The following DPP6 variants were observed in gnomAD, a reference collection of about 807,000 sequenced individuals.
DPP6 encodes the protein dipeptidyl peptidase like 6, also known as A-type potassium channel modulatory protein DPP6.
Under a neutral mutation model 122.6 loss-of-function variants are expected in DPP6, and 69 were observed. That is an observed-to-expected ratio of 0.56 (90% CI 0.46 to 0.69). The LOEUF is 0.69. Ranked by LOEUF, DPP6 falls within the 30% of genes least tolerant of loss-of-function variation. The pLI, the probability that DPP6 is intolerant of heterozygous loss-of-function variation, is 0.00. For missense variants in DPP6, 928 were observed against 1,116.9 expected (o/e 0.83, Z 2.41); for synonymous variants, 418 against 433.1 (o/e 0.97, Z 0.43).
At chr7:153,964,393 C>A (rs554324046) in intron 1 of DPP6, among the ~76,000 whole-genome samples, 1 of 152,216 alleles carries the variant, frequency 6.6e-6, no homozygotes, top group Non-Finnish European at 1.5e-5. Flanking sequence ...CTCTTGTTGG[C>A]GTTTCTGAAA....
intron 2 of DPP6, among the ~76,000 whole-genome samples, chr7:154,448,462 A>G (rs1439909975): frequency 1.3e-5 from 2 of 152,212 alleles, no homozygotes; most frequent in South Asian, 2.1e-4. Flanking sequence ...TCTTATATGA[A>G]TTGATTGAAA....
intron 16 of DPP6, among the ~76,000 whole-genome samples, chr7:154,823,865 C>T (rs7788539): frequency 0.79 from 119,882 of 152,146 alleles, 47,384 homozygotes; most frequent in Non-Finnish European, 0.82. Flanking sequence ...TCCAAAGATC[C>T]TTCTCTCTGC....
chr7:154,263,533 T>C (rs929566224), intron 1 of DPP6, among the ~76,000 whole-genome samples: 4 of 152,190 alleles, frequency 2.6e-5, no homozygotes, highest in South Asian at 4.1e-4. Context: ...CCCACAATAT[T>C]TTCACTAACA....
Position 154,892,599 on chromosome 7 carries a change from G to C in DPP6, c.*119G>C. The C allele has an allele frequency of 6.5e-7, 1 of 1,543,378 alleles. No homozygotes were observed. Among genetic ancestry groups the C allele is most frequent in the Admixed American group, 1.8e-5 (1 of 56,036 alleles). On this transcript the variant is annotated 3_prime_UTR_variant, in exon 26 of 26. Coordinates refer to ENST00000377770, the MANE Select transcript of DPP6 (RefSeq NM_130797.4). Reference sequence around the variant, plus strand: ...GCGGGGCGGGGCCGGGTGTTCCATAGCATGTGTGTCTCGGATGCGGAAGGC... The same window carrying C: ...GCGGGGCGGGGCCGGGTGTTCCATACCATGTGTGTCTCGGATGCGGAAGGC...
intron 1 of DPP6, among the ~76,000 whole-genome samples, chr7:154,060,361 A>G (rs981767197): frequency 9.3e-6 from 1 of 108,018 alleles, no homozygotes; most frequent in Non-Finnish European, 1.9e-5. Flanking sequence ...GCAGGGACTG[A>G]GAGCCAGCCC....
intron 1 of DPP6, among the ~76,000 whole-genome samples, chr7:154,263,043 A>G (rs954463251): frequency 6.6e-6 from 1 of 152,246 alleles, no homozygotes; most frequent in African/African-American, 2.4e-5. Flanking sequence ...TAATACTTCA[A>G]TAAAATCTGT....
rs34454400 is a variant in DPP6, at chr7:154,241,185, A to ATGCGCGTGTG, written c.243+188124_243+188125insCGCGTGTGTG. 2.2e-4 allele frequency among the ~76,000 whole-genome samples: 30 copies of ATGCGCGTGTG among 136,298 alleles called. No homozygotes were observed. Among genetic ancestry groups the ATGCGCGTGTG allele is most frequent in the African/African-American group, 8.1e-4 (29 of 35,788 alleles). 89.4% of individuals were successfully genotyped at this position (136,298 alleles called of 152,430 possible). ...GCACAGTAGGTAATTCAATATCAAT[A>ATGCGCGTGTG]TGTGTGTGTGTGTGTGTGTGTGTGT... On this transcript the variant is annotated intron_variant, in intron 1 of 25. Coordinates refer to ENST00000377770, the MANE Select transcript of DPP6 (RefSeq NM_130797.4). This position sits in a 1 kb window ranked among gnomAD's most constrained non-coding sequence, Gnocchi z 9.0.
Position 154,627,000 on chromosome 7 carries a change from C to CTTTTTTTTTTTTTTTTT in DPP6, c.628-10806_628-10790dup, listed in dbSNP as rs552919287. ...ATCTGGGGTCCATTAGAAATTTTTT[C>CTTTTTTTTTTTTTTTTT]TTTTTTTTTTTTTTTTTTTTTTTTT... On this transcript the variant is annotated intron_variant, in intron 5 of 25. Transcript: ENST00000377770. Among the ~76,000 whole-genome samples the CTTTTTTTTTTTTTTTTT allele has an allele frequency of 1.3e-3, 70 of 52,122 alleles. 6 individuals are homozygous for CTTTTTTTTTTTTTTTTT. Among genetic ancestry groups the CTTTTTTTTTTTTTTTTT allele is most frequent in the East Asian group, 3.1e-3 (4 of 1,304 alleles). 34.2% of individuals were successfully genotyped at this position (52,122 alleles called of 152,430 possible).
chr7:154,087,923 C>T (rs974227612), intron 1 of DPP6, among the ~76,000 whole-genome samples: 5 of 152,226 alleles, frequency 3.3e-5, no homozygotes, highest in African/African-American at 7.2e-5. Flanking sequence ...AAATGCACTT[C>T]GCACAGTGTT....
At chr7:154,097,128 G>A (rs1314975546) in intron 1 of DPP6, among the ~76,000 whole-genome samples, 1 of 152,234 alleles carries the variant, frequency 6.6e-6, no homozygotes, top group Non-Finnish European at 1.5e-5. Context: ...AGTCTCGTCA[G>A]TTTTTCCTGC....
chr7:154,064,474 A>G (rs775270245), intron 1 of DPP6, among the ~76,000 whole-genome samples: 4 of 152,122 alleles, frequency 2.6e-5, no homozygotes, highest in Non-Finnish European at 4.4e-5. Flanking sequence ...ACATTCCACA[A>G]TGACCTACAG....
At position 154,322,438 on chromosome 7, in the gene DPP6, G is replaced by T. The variant is rs75317956; in HGVS notation, c.244-123776G>T. On this transcript the variant is annotated intron_variant, in intron 1 of 25. Coordinates refer to ENST00000377770, the MANE Select transcript of DPP6 (RefSeq NM_130797.4). ...TGGATGGGCAAAAGAGTCAACTACC[G>T]AAGGAAGACAATTTTCGTTTGGTCT... 4.6e-4 allele frequency among the ~76,000 whole-genome samples: 70 copies of T among 152,280 alleles called. 2 individuals are homozygous for T. In the East Asian group the frequency reaches 9.7e-3, roughly 21 times the overall value.
At chr7:154,290,767 C>T (rs1488586253) in intron 1 of DPP6, among the ~76,000 whole-genome samples, 1 of 152,124 alleles carries the variant, frequency 6.6e-6, no homozygotes, top group Non-Finnish European at 1.5e-5. Flanking sequence ...TTACATGAGC[C>T]ATTCTAGAAT....
intron 1 of DPP6, among the ~76,000 whole-genome samples, chr7:154,191,458 A>T (rs750777086): frequency 1.3e-5 from 2 of 152,220 alleles, no homozygotes; most frequent in Non-Finnish European, 2.9e-5. Flanking sequence ...TCATAAGTGC[A>T]ATGTGCGCAC....
At chr7:154,268,824 T>C (rs1461542137) in intron 1 of DPP6, among the ~76,000 whole-genome samples, 2 of 151,872 alleles carry the variant, frequency 1.3e-5, no homozygotes, top group African/African-American at 4.8e-5. Flanking sequence ...AATAACCTGA[T>C]TTTTAATCTC....
chr7:153,816,994 T>C, the DPP6 span, among the ~76,000 whole-genome samples: 6 of 151,398 alleles, frequency 4.0e-5, no homozygotes, highest in Non-Finnish European at 7.4e-5. Flanking sequence ...GATGCATGGC[T>C]TACCCATATG....
intron 1 of DPP6, among the ~76,000 whole-genome samples, chr7:153,916,200 C>G (rs888231659): frequency 1.3e-5 from 2 of 151,908 alleles, no homozygotes; most frequent in Non-Finnish European, 2.9e-5. Context: ...GTCTCGATCT[C>G]CTGACCTCTT....
Position 154,875,931 on chromosome 7 carries a change from G to A in DPP6, c.1909G>A (p.Val637Met). ...VVDGTPGSQS[V>M]AEKFEVSWET... ...GGATGGCACCCCAGGCAGCCAGAGT[G>A]TGGCTGAGAAGTTCGAGGTGAGCTG... is the stretch of plus-strand genomic sequence containing the variant. The change falls in exon 20 of 26, where the codon GTG becomes ATG. Residue 637 changes from valine to methionine, a missense_variant. By Grantham distance (21) the Val-to-Met change is conservative. Coordinates refer to ENST00000377770, the MANE Select transcript of DPP6 (RefSeq NM_130797.4). This position sits in a 1 kb window ranked among gnomAD's most constrained non-coding sequence, Gnocchi z 4.5. 1.2e-6 allele frequency: 2 copies of A among 1,612,858 alleles called. No homozygotes were observed. Among genetic ancestry groups the A allele is most frequent in the Non-Finnish European group, 1.7e-6 (2 of 1,179,474 alleles).
intron 1 of DPP6, among the ~76,000 whole-genome samples, chr7:154,428,320 T>C (rs1818077093): frequency 6.6e-6 from 1 of 152,236 alleles, no homozygotes; most frequent in Non-Finnish European, 1.5e-5. Context: ...TCTTCTTTTT[T>C]AGCATAATAC....
Sources: allele counts gnomAD v4.1 joint callset (sites outside exome capture counted in the v4.1 genomes callset), GRCh38; gene constraint gnomAD v4.1.1; non-coding constraint Gnocchi (gnomAD v3.1); transcripts MANE v1.5; gene names NCBI Gene and HGNC (gene_info 2026-07-23, HGNC 2026-07-21).